The following DCTN6 variants were observed in gnomAD, a reference collection of about 807,000 sequenced individuals.
The protein encoded by DCTN6 is dynactin subunit 6.
Under a neutral mutation model 25.8 loss-of-function variants are expected in DCTN6, and 15 were observed. That is an observed-to-expected ratio of 0.58 (90% CI 0.39 to 0.89). The LOEUF (loss-of-function observed/expected upper bound fraction) is 0.89, where lower values mean the gene tolerates loss of function less well. Ranked by LOEUF, DCTN6 falls within the 40% of genes least tolerant of loss-of-function variation. The probability of loss-of-function intolerance (pLI) is 0.00; values close to 1 mark genes in which losing one functional copy is unlikely to be tolerated. For missense variants in DCTN6, 198 were observed against 237.6 expected (o/e 0.83, Z 1.09); for synonymous variants, 64 against 78.3 (o/e 0.82, Z 0.96).
chr8:30,172,804 T>C (rs1803781034), intron 2 of DCTN6, among the ~76,000 whole-genome samples: 1 of 152,210 alleles, frequency 6.6e-6, no homozygotes, highest in Non-Finnish European at 1.5e-5. Context: ...AATAATATAC[T>C]CCAAACTTTT....
At chr8:30,168,342 T>G (rs891911309) in intron 2 of DCTN6, among the ~76,000 whole-genome samples, 2 of 152,204 alleles carry the variant, frequency 1.3e-5, no homozygotes, top group African/African-American at 4.8e-5. Flanking sequence ...GTCTCAAGTC[T>G]TTTGGCTTCT....
rs544773716 is a variant in DCTN6, at chr8:30,170,710, C to T, written c.89-4375C>T. Among the ~76,000 whole-genome samples, 21 of 151,572 alleles carry T rather than the reference C, an allele frequency of 1.4e-4. No individual in the cohort carries two copies. The South Asian group carries it at 3.8e-3, about 27-fold the overall frequency. On this transcript the variant is annotated intron_variant, in intron 2 of 6. Coordinates refer to ENST00000221114, the MANE Select transcript of DCTN6 (RefSeq NM_006571.4). ...AGGCTGGAGTGCAGTGGCGCAGTCTCGGCTCACTGCAACCTCTGCCTCCCG... is the reference window on the plus strand; with the variant it reads ...AGGCTGGAGTGCAGTGGCGCAGTCTTGGCTCACTGCAACCTCTGCCTCCCG...
At chr8:30,181,674 A>G (rs1245972030) in intron 6 of DCTN6, among the ~76,000 whole-genome samples, 2 of 152,074 alleles carry the variant, frequency 1.3e-5, no homozygotes, top group Admixed American at 1.3e-4. Flanking sequence ...ACTTGAGCCC[A>G]GGAAGGAGTT....
At chr8:30,175,001 C>A in intron 2 of DCTN6, 84 bp from the exon 3 acceptor site, 2 of 1,277,638 alleles carry the variant, frequency 1.6e-6, no homozygotes, top group Non-Finnish European at 2.2e-6. Flanking sequence ...CTCCCAACAG[C>A]CTCACCCATC....
chr8:30,173,722 CCTGT>C (rs1175382771), intron 2 of DCTN6, among the ~76,000 whole-genome samples: 3 of 144,880 alleles, frequency 2.1e-5, no homozygotes, highest in African/African-American at 7.7e-5. Flanking sequence ...AGAATGAGAC[CCTGT>C]CTCTTAAAAA....
Position 30,156,937 on chromosome 8 carries a change from G to GAC in DCTN6, c.23+547_23+548dup, listed in dbSNP as rs142538866. Among the ~76,000 whole-genome samples, 330 of 151,740 alleles carry GAC rather than the reference G, an allele frequency of 2.2e-3. 2 individuals are homozygous for GAC. Among genetic ancestry groups the GAC allele is most frequent in the African/African-American group, 6.5e-3 (270 of 41,424 alleles). On this transcript the variant is annotated intron_variant, in intron 1 of 6. Coordinates refer to ENST00000221114, the MANE Select transcript of DCTN6 (RefSeq NM_006571.4). ...GGGGCCGCGCCTGGACTTGAACTGT[G>GAC]ACACACACACACACACATTATATAG...
intron 6 of DCTN6, 84 bp downstream of exon 6, chr8:30,180,714 C>T (rs1203916560): frequency 6.8e-7 from 1 of 1,470,954 alleles, no homozygotes; most frequent in East Asian, 2.4e-5. Context: ...GCAGCAGGTA[C>T]ACTATTTAAG....
At chr8:30,165,296 G>T (rs913486264) in intron 2 of DCTN6, among the ~76,000 whole-genome samples, 1 of 152,072 alleles carries the variant, frequency 6.6e-6, no homozygotes, top group East Asian at 1.9e-4. Flanking sequence ...CCTGGATATG[G>T]TGCCCTTGTA....
At chr8:30,174,171 C>T (rs561166996) in intron 2 of DCTN6, among the ~76,000 whole-genome samples, 48 of 152,318 alleles carry the variant, frequency 3.2e-4, no homozygotes, top group Middle Eastern at 3.4e-3. Context: ...CTGCTGCCTC[C>T]CTTTAACCTT....
intron 2 of DCTN6, among the ~76,000 whole-genome samples, chr8:30,171,554 A>G (rs895564944): frequency 5.3e-5 from 8 of 152,200 alleles, no homozygotes; most frequent in African/African-American, 1.7e-4. Context: ...CATTGTGCTC[A>G]GCCCCATATC....
At chr8:30,173,003 T>C (rs938515879) in intron 2 of DCTN6, among the ~76,000 whole-genome samples, 1 of 152,228 alleles carries the variant, frequency 6.6e-6, no homozygotes, top group Non-Finnish European at 1.5e-5. Flanking sequence ...CCATCCCATC[T>C]TCCATCCTGA....
intron 1 of DCTN6, among the ~76,000 whole-genome samples, chr8:30,163,556 G>A (rs767592981): frequency 8.5e-5 from 13 of 152,062 alleles, no homozygotes; most frequent in Admixed American, 2.6e-4. Context: ...GTTTAGAAAC[G>A]TGCTGCTATT....
chr8:30,182,754 G>A (rs1452404478), intron 6 of DCTN6, among the ~76,000 whole-genome samples: 2 of 150,896 alleles, frequency 1.3e-5, no homozygotes, highest in Non-Finnish European at 1.5e-5. Flanking sequence ...GTGCAGTGGT[G>A]TAATCATGGC....
At chr8:30,156,677 G>T (rs912927979) in intron 1 of DCTN6, among the ~76,000 whole-genome samples, 6 of 150,218 alleles carry the variant, frequency 4.0e-5, no homozygotes, top group African/African-American at 7.5e-5. Context: ...GGGTCTCCCG[G>T]CCGGGAGGGC....
At chr8:30,171,245 C>T (rs1803758893) in intron 2 of DCTN6, among the ~76,000 whole-genome samples, 1 of 150,768 alleles carries the variant, frequency 6.6e-6, no homozygotes, top group South Asian at 2.1e-4. Flanking sequence ...ATCACTTCCT[C>T]CTATCTTTTT....
chr8:30,172,976 C>T (rs1563230413), intron 2 of DCTN6, among the ~76,000 whole-genome samples: 1 of 152,110 alleles, frequency 6.6e-6, no homozygotes, highest in East Asian at 1.9e-4. Flanking sequence ...GAGAAGCTTC[C>T]CAGGGATCTC....
At chr8:30,165,307 G>A (rs1436284472) in intron 2 of DCTN6, among the ~76,000 whole-genome samples, 1 of 152,132 alleles carries the variant, frequency 6.6e-6, no homozygotes, top group East Asian at 1.9e-4. Flanking sequence ...TGCCCTTGTA[G>A]TTTTATTGGT....
rs901685403 is a variant in DCTN6 at position 30,175,206 on chromosome 8, A to G, written c.194+16A>G. The G allele has an allele frequency of 2.5e-6, 4 of 1,605,650 alleles. No individual in the cohort carries two copies. In the East Asian group the frequency reaches 8.9e-5, roughly 36 times the overall value. The stretch of plus-strand genomic sequence containing the variant: ...TCATAAATGCGTAAGACTCTTATAC[A>G]TACTGTGAACCAAGTACCATGGGTA... On this transcript the variant is annotated intron_variant, in intron 3 of 6. Transcript: ENST00000221114.
chr8:30,161,765 T>TG (rs1563228135), intron 1 of DCTN6, among the ~76,000 whole-genome samples: 1 of 137,526 alleles, frequency 7.3e-6, no homozygotes. Flanking sequence ...TTTTTTTTTT[T>TG]GAGACAGAGT....
Sources: allele counts gnomAD v4.1 joint callset (sites outside exome capture counted in the v4.1 genomes callset), GRCh38; gene constraint gnomAD v4.1.1; transcripts MANE v1.5; gene names NCBI Gene and HGNC (gene_info 2026-07-23, HGNC 2026-07-21).